PKMYT1: variants seen among roughly 807,000 people sequenced by gnomAD.
PKMYT1 encodes protein kinase, membrane associated tyrosine/threonine 1.
In PKMYT1, 35 loss-of-function variants were observed where a neutral mutation model predicts 49.7. The ratio of observed to expected loss-of-function variants is 0.70; its 90% CI spans 0.54 to 0.93. PKMYT1 has a LOEUF of 0.93. Ranked by LOEUF, PKMYT1 falls within the 40% of genes least tolerant of loss-of-function variation. The pLI, the probability that PKMYT1 is intolerant of heterozygous loss-of-function variation, is 0.00. For synonymous variants in PKMYT1, 331 were observed against 287.6 expected (o/e 1.15, Z -1.53); for missense variants, 677 against 673.1 (o/e 1.01, Z -0.06).
chr16:2,972,958 T>A lies in PKMYT1; in HGVS notation c.1495A>T (p.Thr499Ser). ...GCAGAGGCAGAGTCTGGGGCTCAGGTTGGGTCTAGGGTGTCCTCAAACAGG... is the reference window on the plus strand; with the variant it reads ...GCAGAGGCAGAGTCTGGGGCTCAGGATGGGTCTAGGGTGTCCTCAAACAGG... ...LSLFEDTLDP[T>S] is the part of the protein sequence containing the mutation. Residue 499 changes from threonine (T) to serine (S), a missense_variant, in exon 9 of 9, where the codon ACC (threonine) becomes TCC (serine). Coordinates refer to ENST00000262300, the MANE Select transcript of PKMYT1 (RefSeq NM_004203.5). The A allele has an allele frequency of 6.2e-7, 1 of 1,603,990 alleles. No individual in the cohort carries two copies. The highest frequency in any genetic ancestry group is 1.1e-5 in the South Asian group (1 of 89,044).
In PKMYT1 at chr16:2,977,023, C is replaced by G. The variant is rs1364506668; in HGVS notation, c.19G>C (p.Ala7Pro). Residue 7 changes from alanine (A) to proline (P), a missense_variant, in exon 3 of 9, where the codon GCA becomes CCA. Physicochemically the swap from Ala to Pro is conservative, Grantham distance 27. Transcript: ENST00000262300. MLERPP[A>P]LAMPMPTEGT... ...TCCGTGGGCATGGGCATGGCCAGTGCAGGAGGCCCTGGGGGCAGAGACAGA... is the reference window on the plus strand; with the variant it reads ...TCCGTGGGCATGGGCATGGCCAGTGGAGGAGGCCCTGGGGGCAGAGACAGA... The G allele has an allele frequency of 1.3e-6, 2 of 1,587,550 alleles. No homozygotes were observed. Among genetic ancestry groups the G allele is most frequent in the African/African-American group, 2.7e-5 (2 of 74,622 alleles).
chr16:2,977,390 CTCT>C, intron 2 of PKMYT1: 2 of 999,736 alleles, frequency 2.0e-6, no homozygotes, highest in East Asian at 9.1e-5. Context: ...ACTACACAAC[CTCT>C]TCCGAGACTA....
At position 2,977,649 on chromosome 16, in the gene PKMYT1, A is replaced by G. The variant is rs535713869; in HGVS notation, c.11-618T>C. ...GCACACAGCAAACAAAGGTTTACAC[A>G]AGAAAACCTGCCAAGGCCTGGGAAT... is the stretch of plus-strand genomic sequence containing the variant. On this transcript the variant is annotated intron_variant, in intron 2 of 8. Transcript: ENST00000262300. 5.4e-5 allele frequency: 14 copies of G among 258,908 alleles called. No homozygotes were observed. The South Asian group carries it at 1.9e-3, about 35-fold the overall frequency. 16.0% of individuals were successfully genotyped at this position (258,908 alleles called of 1,614,324 possible).
In PKMYT1 at chr16:2,979,628, G is replaced by T; in HGVS notation, c.10+20C>A. ...TGCATCTTAACCCAGTTCTCCCACC[G>T]TCCCTGCCCTACGACTTACGTTCTA... On this transcript the variant is annotated intron_variant, in intron 2 of 8. Transcript: ENST00000262300. 3 of 1,604,030 alleles carry T rather than the reference G, an allele frequency of 1.9e-6. No individual in the cohort carries two copies. Among genetic ancestry groups the T allele is most frequent in the Non-Finnish European group, 2.6e-6 (3 of 1,170,814 alleles).
intron 2 of PKMYT1, 106 bp downstream of exon 2, chr16:2,979,542 G>A: frequency 1.1e-6 from 1 of 885,756 alleles, no homozygotes; most frequent in South Asian, 1.4e-5. Context: ...GATCCTGGAG[G>A]TCACTGGTCA....
At chr16:2,977,109 C>T in intron 2 of PKMYT1, 78 bp from the exon 3 acceptor site, 2 of 1,573,706 alleles carry the variant, frequency 1.3e-6, no homozygotes, top group African/African-American at 1.3e-5. Context: ...TCCAAAGAGG[C>T]CACAGAAGAG....
chr16:2,980,234 G>C (rs1466737085), intron 1 of PKMYT1, 52 bp downstream of exon 1: 1 of 154,292 alleles, frequency 6.5e-6, no homozygotes, highest in African/African-American at 2.4e-5. Flanking sequence ...GAGGCGGAGG[G>C]GAGCGGCGAG....
At chr16:2,974,708 A>G in intron 4 of PKMYT1, 52 bp from the exon 5 acceptor site, 1 of 1,241,808 alleles carries the variant, frequency 8.1e-7, no homozygotes, top group Non-Finnish European at 1.1e-6. Context: ...CCTGGGACAC[A>G]GACCCAGTCC....
intron 2 of PKMYT1, 143 bp from the exon 3 acceptor site, chr16:2,977,174 G>A (rs1468623546): frequency 6.8e-7 from 1 of 1,474,986 alleles, no homozygotes; most frequent in Non-Finnish European, 9.0e-7. Flanking sequence ...GGAGCAATAA[G>A]CACCTACCAA....
Position 2,974,552 on chromosome 16 carries a change from G to A in PKMYT1, c.977C>T (p.Ala326Val). 1 of 1,568,198 alleles carries A rather than the reference G, an allele frequency of 6.4e-7. No individual in the cohort carries two copies. Among genetic ancestry groups the A allele is most frequent in the Non-Finnish European group, 8.7e-7 (1 of 1,155,934 alleles). Residue 326 changes from alanine (A) to valine (V), a missense_variant and splice_region_variant, in exon 5 of 9, where the codon GCC becomes GTC. Physicochemically the swap from Ala to Val is moderately conservative, Grantham distance 64. Transcript: ENST00000262300. ...RQGYLPPEFTAGLSSELRSVL... is the reference protein window; with the variant it reads ...RQGYLPPEFTVGLSSELRSVL... ...CCCTCCCGCCCTCACCTACTCACCG[G>A]CAGTGAACTCAGGGGGCAGGTAGCC...
chr16:2,975,324 C>T lies in PKMYT1; in HGVS notation c.867G>A (p.Val289=). Residue 289 remains valine (V), a synonymous_variant, in exon 4 of 9, where the codon GTG becomes GTA. Transcript: ENST00000262300. ...TGGCGTGCCCCGGTCCCCACCTGAACACATCCGCTGCTGTCCCATAGGAGC... is the reference window on the plus strand; with the variant it reads ...TGGCGTGCCCCGGTCCCCACCTGAATACATCCGCTGCTGTCCCATAGGAGC... ...LQGSYGTAAD[V]FSLGLTILEV... is the part of the protein sequence containing the mutation. 1 of 1,610,776 alleles carries T rather than the reference C, an allele frequency of 6.2e-7. No homozygotes were observed. The highest frequency in any genetic ancestry group is 2.2e-5 in the East Asian group (1 of 44,790).
chr16:2,975,213 C>T (rs538728144), intron 4 of PKMYT1, 106 bp downstream of exon 4: 130 of 1,321,012 alleles, frequency 9.8e-5, no homozygotes, highest in South Asian at 1.4e-4. Flanking sequence ...GCTCTGAGGC[C>T]GGGTGTCCTG....
In PKMYT1 at chr16:2,974,259, A is replaced by G. The variant is rs758096442; in HGVS notation, c.1138T>C (p.Trp380Arg). The change falls in exon 6 of 9, where the codon TGG (tryptophan) becomes CGG (arginine). Residue 380 changes from tryptophan to arginine, a missense_variant. Physicochemically the swap from Trp to Arg is moderately radical, Grantham distance 101 (BLOSUM62 -3). Coordinates refer to ENST00000262300, the MANE Select transcript of PKMYT1 (RefSeq NM_004203.5). ...CMAAEALSRG[W>R]ALWQALLALL... ...CGGGAGCTTACCTGCCACAGGGCCC[A>G]CCCTCGGCTCAGGGCCTCCGCTGCC... is the stretch of plus-strand genomic sequence containing the variant. 1.9e-6 allele frequency: 3 copies of G among 1,567,164 alleles called. No homozygotes were observed. The highest frequency in any genetic ancestry group is 2.6e-6 in the Non-Finnish European group (3 of 1,156,906).
rs1213873472 is a variant in PKMYT1 at position 2,972,964 on chromosome 16, C to A, written c.1489G>T (p.Asp497Tyr). The change falls in exon 9 of 9, where the codon GAC becomes TAC. Residue 497 changes from aspartate (D) to tyrosine (Y), a missense_variant. Transcript: ENST00000262300. ...GCAGAGTCTGGGGCTCAGGTTGGGT[C>A]TAGGGTGTCCTCAAACAGGCTGAGG... ...NLLSLFEDTL[D>Y]PT 6 of 1,607,542 alleles carry A rather than the reference C, an allele frequency of 3.7e-6. No homozygotes were observed. Among genetic ancestry groups the A allele is most frequent in the Non-Finnish European group, 5.1e-6 (6 of 1,178,206 alleles).
chr16:2,973,448 T>TA (rs1158685135), intron 7 of PKMYT1: 1 of 1,522,004 alleles, frequency 6.6e-7, no homozygotes, highest in East Asian at 2.5e-5. Flanking sequence ...CACATGGACT[T>TA]GGAGGCAGAT....
At chr16:2,978,565 T>C (rs1326799439) in intron 2 of PKMYT1, among the ~76,000 whole-genome samples, 1 of 151,866 alleles carries the variant, frequency 6.6e-6, no homozygotes, top group Admixed American at 6.5e-5. Flanking sequence ...CTGGCCAACA[T>C]GGTGAAACCC....
Position 2,975,339 on chromosome 16 carries a change from C to T in PKMYT1, c.852G>A (p.Gly284=). ...CCCACCTGAACACATCCGCTGCTGT[C>T]CCATAGGAGCCCTGCAGCAGCTCGG... is the stretch of plus-strand genomic sequence containing the variant. The part of the protein sequence containing the change: ...MAPELLQGSY[G]TAADVFSLGL... The change falls in exon 4 of 9, where the codon GGG becomes GGA. Residue 284 remains glycine (G), a synonymous_variant. Coordinates refer to ENST00000262300, the MANE Select transcript of PKMYT1 (RefSeq NM_004203.5). The T allele has an allele frequency of 1.2e-6, 2 of 1,612,588 alleles. No individual in the cohort carries two copies. The highest frequency in any genetic ancestry group is 1.1e-5 in the South Asian group (1 of 91,050).
In PKMYT1 at chr16:2,975,438, G is replaced by C; in HGVS notation, c.753C>G (p.Asp251Glu). 6.2e-7 allele frequency: 1 copy of C among 1,613,274 alleles called. No homozygotes were observed. Among genetic ancestry groups the C allele is most frequent in the Non-Finnish European group, 8.5e-7 (1 of 1,179,990 alleles). ...LGPRGRCKLG[D>E]FGLLVELGTA... ...TACCCAGCTCCACCAGCAGTCCGAA[G>C]TCACCCAGCTTGCAGCGGCCCCGGG... is the stretch of plus-strand genomic sequence containing the variant. Residue 251 changes from aspartate (D) to glutamate (E), a missense_variant, in exon 4 of 9, where the codon GAC (aspartate) becomes GAG (glutamate). Asp to Glu is a conservative substitution (Grantham distance 45, BLOSUM62 2). Transcript: ENST00000262300.
At position 2,975,563 on chromosome 16, in the gene PKMYT1, C is replaced by T; in HGVS notation, c.628G>A (p.Val210Ile). Reference sequence around the variant, plus strand: ...AGCGTGTCCCGCAGGTAGCCCCAGACCTGGGCCTCAGGCAGGCTGGCACCC... The same window carrying T: ...AGCGTGTCCCGCAGGTAGCCCCAGATCTGGGCCTCAGGCAGGCTGGCACCC... ...AWGASLPEAQ[V>I]WGYLRDTLLA... Residue 210 changes from valine (V) to isoleucine (I), a missense_variant, in exon 4 of 9, where the codon GTC (valine) becomes ATC (isoleucine). By Grantham distance (29) the Val-to-Ile change is conservative (BLOSUM62 3). Coordinates refer to ENST00000262300, the MANE Select transcript of PKMYT1 (RefSeq NM_004203.5). 1.4e-5 allele frequency: 23 copies of T among 1,611,972 alleles called. No homozygotes were observed. The highest frequency in any genetic ancestry group is 1.9e-5 in the Non-Finnish European group (23 of 1,179,836).
Sources: gnomAD v4.1 joint callset for allele counts (sites outside exome capture counted in the v4.1 genomes callset) on GRCh38, gnomAD v4.1.1 for gene constraint, MANE v1.5 for transcripts, NCBI Gene and HGNC (gene_info 2026-07-23, HGNC 2026-07-21) for gene names.